SUN3: variants seen among roughly 807,000 people sequenced by gnomAD.
SUN3 encodes Sad1 and UNC84 domain containing 3, also known as SUN domain-containing protein 3.
A neutral mutation model predicts 48.2 loss-of-function variants in SUN3; 36 were observed. The observed-to-expected ratio is 0.75, with a 90% confidence interval of 0.57 to 0.99. The LOEUF is 0.99. Among genes scored for constraint, SUN3 ranks in the 50% least tolerant of loss-of-function variants. The probability of loss-of-function intolerance (pLI) is 0.00; values close to 1 mark genes in which losing one functional copy is unlikely to be tolerated. For missense variants in SUN3, 419 were observed against 433.1 expected (o/e 0.97, Z 0.29); for synonymous variants, 148 against 147.9 (o/e 1.00, Z 0.00).
intron 4 of SUN3, among the ~76,000 whole-genome samples, chr7:48,007,703 G>A (rs1243769371): frequency 6.6e-6 from 1 of 152,158 alleles, no homozygotes; most frequent in Non-Finnish European, 1.5e-5. Flanking sequence ...AGTGGCTTTC[G>A]AATTGTAGCC....
intron 3 of SUN3, among the ~76,000 whole-genome samples, chr7:48,011,142 C>T (rs781542651): frequency 6.6e-6 from 1 of 152,180 alleles, no homozygotes; most frequent in Non-Finnish European, 1.5e-5. Flanking sequence ...AAATAAAGGT[C>T]ACATTCACAG....
chr7:48,035,497 G>T, the SUN3 span: 1 of 697,392 alleles, frequency 1.4e-6, no homozygotes. This position sits in a 1 kb window ranked among gnomAD's most constrained non-coding sequence, Gnocchi z 4.0. Context: ...TTCAGCCGTT[G>T]CCCTGGCGAC....
At chr7:47,990,783 A>G (rs1789036431) in intron 8 of SUN3, among the ~76,000 whole-genome samples, 1 of 150,856 alleles carries the variant, frequency 6.6e-6, no homozygotes, top group Admixed American at 6.6e-5. Context: ...AAAAAGAACA[A>G]GATCGTGTCC....
At chr7:47,998,605 A>G (rs980119358) in intron 6 of SUN3, among the ~76,000 whole-genome samples, 2 of 151,844 alleles carry the variant, frequency 1.3e-5, no homozygotes, top group Admixed American at 6.6e-5. Context: ...ATAGTTTTTG[A>G]TGTTGTGTTT....
intron 6 of SUN3, among the ~76,000 whole-genome samples, chr7:48,000,534 TC>T (rs1443660665): frequency 6.6e-6 from 1 of 152,236 alleles, no homozygotes; most frequent in African/African-American, 2.4e-5. Context: ...CTGAAGAACT[TC>T]CTTTAGCAGA....
chr7:47,993,893 GAA>G (rs1186847927), intron 8 of SUN3, among the ~76,000 whole-genome samples: 1 of 152,134 alleles, frequency 6.6e-6, no homozygotes, highest in African/African-American at 2.4e-5. Context: ...AAGTGCCATG[GAA>G]AAGAGTTAAT....
chr7:47,993,845 G>A (rs1348602713), intron 8 of SUN3, among the ~76,000 whole-genome samples: 1 of 151,922 alleles, frequency 6.6e-6, no homozygotes, highest in East Asian at 1.9e-4. Context: ...AACCTGTTTT[G>A]TTTTTTAAAT....
At chr7:48,028,710 G>A (rs1790203377) in intron 1 of SUN3, 107 bp downstream of exon 1, 8 of 1,411,888 alleles carry the variant, frequency 5.7e-6, no homozygotes, top group Non-Finnish European at 7.7e-6. Flanking sequence ...CTCTATAAAG[G>A]GAGAAAATAC....
chr7:48,006,154 A>G (rs1243448225), intron 5 of SUN3, 101 bp from the exon 6 acceptor site: 2 of 754,932 alleles, frequency 2.6e-6, no homozygotes, highest in Non-Finnish European at 4.5e-6. Context: ...GCAAAATTAG[A>G]ATAGCAGTGA....
At chr7:47,995,996 A>G (rs764156466) in intron 7 of SUN3, 35 bp downstream of exon 7, 2 of 1,310,824 alleles carry the variant, frequency 1.5e-6, no homozygotes, top group Admixed American at 2.5e-5. Flanking sequence ...ACAAAATTCT[A>G]AAATAGAAAT....
intron 9 of SUN3, among the ~76,000 whole-genome samples, chr7:47,988,101 T>G (rs1024602737): frequency 1.3e-5 from 2 of 152,192 alleles, no homozygotes; most frequent in African/African-American, 4.8e-5. Flanking sequence ...CAAATGCATA[T>G]GAATACATAA....
chr7:48,002,095 T>C (rs991344837), intron 6 of SUN3, among the ~76,000 whole-genome samples: 2 of 134,460 alleles, frequency 1.5e-5, no homozygotes, highest in Non-Finnish European at 3.2e-5. Context: ...TTTTTGATAA[T>C]AGCCATTCTG....
At chr7:47,988,430 C>G (rs1223230124) in intron 9 of SUN3, among the ~76,000 whole-genome samples, 2 of 152,150 alleles carry the variant, frequency 1.3e-5, no homozygotes, top group African/African-American at 4.8e-5. Context: ...CTGTCCACTT[C>G]ATATTGTACC....
chr7:48,035,658 G>T, the SUN3 span: 1 of 648,960 alleles, frequency 1.5e-6, no homozygotes, highest in Non-Finnish European at 2.8e-6. The surrounding 1 kb of genome is among the most constrained non-coding windows in gnomAD (Gnocchi z 4.0). Context: ...GGAGGACAAT[G>T]GGGGCGCCCA....
chr7:48,035,849 T>C, the SUN3 span, among the ~76,000 whole-genome samples: 1 of 152,304 alleles, frequency 6.6e-6, no homozygotes, highest in African/African-American at 2.4e-5. This position sits in a 1 kb window ranked among gnomAD's most constrained non-coding sequence, Gnocchi z 4.0. Context: ...ACTTGCTGTG[T>C]CCCTGGCGTG....
upstream of SUN3, among the ~76,000 whole-genome samples, chr7:48,030,072 A>G (rs1040597662): frequency 2.0e-5 from 3 of 152,114 alleles, no homozygotes; most frequent in South Asian, 2.1e-4. Context: ...AGGGCTTCAA[A>G]TATTGCTTCT....
At chr7:47,987,539 C>CT (rs5884032) in intron 9 of SUN3, 90 bp from the exon 10 acceptor site, 16,489 of 1,051,544 alleles carry the variant, frequency 0.016, no homozygotes, top group East Asian at 0.027. Context: ...AAATTATATA[C>CT]TTTTTTTTTT....
intron 8 of SUN3, 151 bp downstream of exon 8, chr7:47,994,164 C>T (rs1789138686): frequency 4.7e-6 from 3 of 631,864 alleles, no homozygotes; most frequent in African/African-American, 1.9e-5. Context: ...TCATTTGGTC[C>T]AACTCTCTCT....
Position 48,017,506 on chromosome 7 carries a change from A to G in SUN3, c.185-141T>C, listed in dbSNP as rs1221446834. On this transcript the variant is annotated intron_variant, in intron 2 of 9. Transcript: ENST00000297325. ...CAGATCCTTGGGTGACATCATGGAA[A>G]ATGGTGGAATAGTACACACAAAAAA... The G allele has an allele frequency of 4.8e-6, 3 of 629,052 alleles. No homozygotes were observed. In the African/African-American group the frequency reaches 5.6e-5, roughly 12 times the overall value. 39.0% of individuals were successfully genotyped at this position (629,052 alleles called of 1,614,324 possible).
Sources: allele counts gnomAD v4.1 joint callset (sites outside exome capture counted in the v4.1 genomes callset), GRCh38; gene constraint gnomAD v4.1.1; non-coding constraint Gnocchi (gnomAD v3.1); transcripts MANE v1.5; gene names NCBI Gene and HGNC (gene_info 2026-07-23, HGNC 2026-07-21).